Variants in EDIL3 observed in about 807,000 individuals in gnomAD.
The protein encoded by EDIL3 is EGF-like repeat and discoidin I-like domain-containing protein 3.
A neutral mutation model predicts 67.4 loss-of-function variants in EDIL3; 37 were observed. That is an observed-to-expected ratio of 0.55 (90% CI 0.42 to 0.72). The LOEUF is 0.72. Ranked by LOEUF, EDIL3 falls within the 30% of genes least tolerant of loss-of-function variation. The probability of loss-of-function intolerance (pLI) is 0.00; values close to 1 mark genes in which losing one functional copy is unlikely to be tolerated. For synonymous variants in EDIL3, 195 were observed against 196.3 expected (o/e 0.99, Z 0.05); for missense variants, 527 against 586.3 (o/e 0.90, Z 1.04).
rs552441970 is a variant in EDIL3 at position 84,360,426 on chromosome 5, G to A, written c.67+23882C>T. 1.6e-4 allele frequency among the ~76,000 whole-genome samples: 24 copies of A among 152,150 alleles called. No homozygotes were observed. The South Asian group carries it at 3.7e-3, about 24-fold the overall frequency. On this transcript the variant is annotated intron_variant, in intron 1 of 10. Transcript: ENST00000296591. Reference sequence around the variant, plus strand: ...AATGTAGATCATTTACTTAAATACCGAAGTTTGACAAATTAAAGGCCAAGG... The same window carrying A: ...AATGTAGATCATTTACTTAAATACCAAAGTTTGACAAATTAAAGGCCAAGG...
Position 84,384,587 on chromosome 5 carries a change from C to T in EDIL3, c.-213G>A, listed in dbSNP as rs1009344794. 6 of 403,398 alleles carry T rather than the reference C, an allele frequency of 1.5e-5. No individual in the cohort carries two copies. Among genetic ancestry groups the T allele is most frequent in the African/African-American group, 8.3e-5 (4 of 47,952 alleles). The allele number at this position is 403,398 out of a possible 1,614,324, so 25.0% of individuals were successfully genotyped here. A position where few individuals can be genotyped will look rare whatever the true frequency, so the allele number is the denominator to read the frequency against. On this transcript the variant is annotated 5_prime_UTR_variant, in exon 1 of 11. Transcript: ENST00000296591. ...CCTTTCCTCCCCTTTTGCCTGCGCT[C>T]CGGCGCGCGGAGGTGGGTGAGCTCC...
chr5:84,124,150 G>C (rs1747823384), intron 5 of EDIL3, among the ~76,000 whole-genome samples: 1 of 151,768 alleles, frequency 6.6e-6, no homozygotes, highest in Non-Finnish European at 1.5e-5. Context: ...AGGTATTTTA[G>C]GTATTACCAA....
Position 84,094,699 on chromosome 5 carries a change from A to G in EDIL3, c.651+11950T>C, listed in dbSNP as rs183835443. On this transcript the variant is annotated intron_variant, in intron 6 of 10. Transcript: ENST00000296591. Reference sequence around the variant, plus strand: ...ATCCCACTGTTAACAAAGTTGTTAAAAAAATCCATGTGTGAAATTTGTACT... The same window carrying G: ...ATCCCACTGTTAACAAAGTTGTTAAGAAAATCCATGTGTGAAATTTGTACT... 7.6e-4 allele frequency among the ~76,000 whole-genome samples: 116 copies of G among 152,336 alleles called. 1 individual carries two copies. The highest frequency in any genetic ancestry group is 3.4e-3 in the Middle Eastern group (1 of 294).
intron 6 of EDIL3, among the ~76,000 whole-genome samples, chr5:84,084,733 T>C (rs1747038934): frequency 1.3e-5 from 2 of 152,160 alleles, no homozygotes; most frequent in South Asian, 2.1e-4. Context: ...ACTTGTCACA[T>C]GTATTCTAGA....
At chr5:84,017,157 T>A (rs1745622198) in intron 9 of EDIL3, among the ~76,000 whole-genome samples, 1 of 152,224 alleles carries the variant, frequency 6.6e-6, no homozygotes, top group Non-Finnish European at 1.5e-5. Flanking sequence ...CACTCTCATA[T>A]TTCCCCCCAC....
chr5:84,338,438 G>A (rs1241439510), intron 1 of EDIL3, among the ~76,000 whole-genome samples: 1 of 152,172 alleles, frequency 6.6e-6, no homozygotes, highest in East Asian at 1.9e-4. Flanking sequence ...CTGAGGTCAA[G>A]CCCAAACAAT....
intron 3 of EDIL3, among the ~76,000 whole-genome samples, chr5:84,209,559 G>T (rs192921626): frequency 6.6e-6 from 1 of 151,880 alleles, no homozygotes; most frequent in African/African-American, 2.4e-5. Flanking sequence ...GGTTTCTGCT[G>T]TATATCCTGG....
chr5:84,326,527 G>A (rs1310882355), intron 1 of EDIL3, among the ~76,000 whole-genome samples: 1 of 150,760 alleles, frequency 6.6e-6, no homozygotes, highest in Non-Finnish European at 1.5e-5. Context: ...AAATGGTTAG[G>A]ATGGTAATTT....
chr5:84,146,838 T>C (rs952971938), intron 4 of EDIL3, among the ~76,000 whole-genome samples: 1 of 152,156 alleles, frequency 6.6e-6, no homozygotes, highest in Non-Finnish European at 1.5e-5. Context: ...TTTGTCATTT[T>C]TTTTCTCGGT....
At chr5:84,283,804 T>A (rs2112110266) in intron 1 of EDIL3, among the ~76,000 whole-genome samples, 1 of 152,278 alleles carries the variant, frequency 6.6e-6, no homozygotes, top group African/African-American at 2.4e-5. Flanking sequence ...CCACCAGGTA[T>A]CTTAAGTCAT....
intron 9 of EDIL3, among the ~76,000 whole-genome samples, chr5:83,974,685 G>A (rs973135847): frequency 6.6e-6 from 1 of 151,952 alleles, no homozygotes; most frequent in Admixed American, 6.6e-5. Context: ...TAGTCTTAGA[G>A]AGCCTCATTA....
chr5:84,224,633 G>A (rs1045102269), intron 3 of EDIL3, among the ~76,000 whole-genome samples: 2 of 151,352 alleles, frequency 1.3e-5, no homozygotes, highest in Non-Finnish European at 3.0e-5. Context: ...CATATGTTCA[G>A]GTGAATGTTG....
chr5:84,155,080 C>T (rs1652607727), intron 4 of EDIL3, among the ~76,000 whole-genome samples: 1 of 152,116 alleles, frequency 6.6e-6, no homozygotes, highest in Admixed American at 6.6e-5. Flanking sequence ...CCTTGCTCAC[C>T]TGGGCTTATT....
intron 1 of EDIL3, among the ~76,000 whole-genome samples, chr5:84,362,973 A>G (rs1261984022): frequency 6.6e-6 from 1 of 152,186 alleles, no homozygotes; most frequent in Non-Finnish European, 1.5e-5. Flanking sequence ...CTGTTTGTAA[A>G]TTTGACTTCC....
At chr5:84,327,461 A>C (rs2112162024) in intron 1 of EDIL3, among the ~76,000 whole-genome samples, 1 of 151,960 alleles carries the variant, frequency 6.6e-6, no homozygotes, top group South Asian at 2.1e-4. Context: ...GTTCAAAGAG[A>C]TTAATGTAAT....
At chr5:84,146,901 G>T (rs150836745) in intron 4 of EDIL3, among the ~76,000 whole-genome samples, 5 of 151,732 alleles carry the variant, frequency 3.3e-5, no homozygotes, top group South Asian at 2.1e-4. Flanking sequence ...TACTTAAAAG[G>T]ACACAAAACA....
chr5:84,070,095 C>G (rs185110137), intron 6 of EDIL3, among the ~76,000 whole-genome samples: 2 of 152,082 alleles, frequency 1.3e-5, no homozygotes, highest in Non-Finnish European at 2.9e-5. Flanking sequence ...AGAGGAAGAC[C>G]ACCTTCCCAC....
chr5:84,384,182 C>G (rs958190128), intron 1 of EDIL3, 126 bp downstream of exon 1: 1 of 1,231,204 alleles, frequency 8.1e-7, no homozygotes, highest in African/African-American at 1.5e-5. Context: ...GACGCCTCCT[C>G]CGCGCCGCCA....
chr5:84,285,553 CT>C (rs1745792671), intron 1 of EDIL3, among the ~76,000 whole-genome samples: 1 of 152,142 alleles, frequency 6.6e-6, no homozygotes, highest in Non-Finnish European at 1.5e-5. Context: ...AACCAAAACA[CT>C]TTGTCTGTAG....
Sources: allele counts gnomAD v4.1 joint callset (sites outside exome capture counted in the v4.1 genomes callset), GRCh38; gene constraint gnomAD v4.1.1; transcripts MANE v1.5; gene names NCBI Gene and HGNC (gene_info 2026-07-23, HGNC 2026-07-21).